The following RALYL variants were observed in gnomAD, a reference collection of about 807,000 sequenced individuals.
The protein encoded by RALYL is RALY RNA binding protein like, also known as RNA-binding Raly-like protein.
RALYL carries 29 observed loss-of-function variants against 35.1 expected under a neutral mutation model. That is an observed-to-expected ratio of 0.83 (90% CI 0.61 to 1.13). RALYL has a LOEUF of 1.13. RALYL is among the 50% of genes most tolerant of loss of function. The pLI is 0.00. For missense variants in RALYL, 359 were observed against 360.4 expected (o/e 1.00, Z 0.03); for synonymous variants, 120 against 127.6 (o/e 0.94, Z 0.40).
At position 84,899,054 on chromosome 8, in the gene RALYL, G is replaced by A. The variant is rs565893072; in HGVS notation, c.858+11278G>A. ...TGAGTGAGTAGACTGAGGGATGTTG[G>A]GTTACCTGATGATTTTGACACACCG... is the stretch of plus-strand genomic sequence containing the variant. On this transcript the variant is annotated intron_variant, in intron 8 of 8. Transcript: ENST00000521268. Among the ~76,000 whole-genome samples, 5 of 152,228 alleles carry A rather than the reference G, an allele frequency of 3.3e-5. No individual in the cohort carries two copies. The East Asian group carries it at 7.7e-4, about 24-fold the overall frequency.
At chr8:84,658,809 G>A (rs973447208) in intron 2 of RALYL, among the ~76,000 whole-genome samples, 7 of 152,100 alleles carry the variant, frequency 4.6e-5, no homozygotes, top group African/African-American at 1.4e-4. Flanking sequence ...TATTGAAAGA[G>A]GAATTGGGGT....
intron 2 of RALYL, among the ~76,000 whole-genome samples, chr8:84,637,541 A>G (rs1825330955): frequency 6.6e-6 from 1 of 151,878 alleles, no homozygotes; most frequent in African/African-American, 2.4e-5. Context: ...TACCAAAACT[A>G]GTAATGGGGA....
chr8:84,717,898 A>C (rs1172573174), intron 2 of RALYL, among the ~76,000 whole-genome samples: 1 of 152,126 alleles, frequency 6.6e-6, no homozygotes, highest in Non-Finnish European at 1.5e-5. Flanking sequence ...GTACAGTTTC[A>C]TGTAGCTTCA....
intron 3 of RALYL, among the ~76,000 whole-genome samples, chr8:84,804,070 G>A (rs1824019767): frequency 1.3e-5 from 2 of 152,202 alleles, no homozygotes; most frequent in Non-Finnish European, 2.9e-5. Context: ...TAAAAAAAAT[G>A]GAAAGTTAAT....
chr8:84,310,940 G>A lies in RALYL; in HGVS notation c.-24+126516G>A, dbSNP rs914553388. ...CGGGCGCCTGTAGTCCCAGCTACTC[G>A]GGAGGCTGAGGCAGGAGAATGGCGT... is the stretch of plus-strand genomic sequence containing the variant. On this transcript the variant is annotated intron_variant, in intron 1 of 8. Transcript: ENST00000521268. Among the ~76,000 whole-genome samples the A allele has an allele frequency of 4.5e-4, 64 of 143,486 alleles. 3 individuals carry two copies. The highest frequency in any genetic ancestry group is 1.6e-3 in the African/African-American group (60 of 37,954). 94.1% of individuals were successfully genotyped at this position (143,486 alleles called of 152,430 possible).
chr8:84,738,013 AGGTGTTGGTGTGT>A (rs1182272847), intron 2 of RALYL, among the ~76,000 whole-genome samples: 1 of 152,046 alleles, frequency 6.6e-6, no homozygotes, highest in East Asian at 1.9e-4. Flanking sequence ...ACATTGTACT[AGGTGTTGGTGTGT>A]GATCGAATTA....
intron 1 of RALYL, among the ~76,000 whole-genome samples, chr8:84,341,208 G>C (rs552823317): frequency 7.0e-6 from 1 of 141,914 alleles, no homozygotes; most frequent in African/African-American, 2.6e-5. Context: ...TATAATTTTG[G>C]CTATTAACTA....
intron 2 of RALYL, among the ~76,000 whole-genome samples, chr8:84,732,668 T>TTATATATATATATGTGTATGTA (rs1554553643): frequency 7.5e-6 from 1 of 132,486 alleles, no homozygotes; most frequent in African/African-American, 3.2e-5. Flanking sequence ...TATTAAATAA[T>TTATATATATATATGTGTATGTA]TATATATATA....
intron 4 of RALYL, among the ~76,000 whole-genome samples, chr8:84,822,662 TAG>T (rs1245860057): frequency 6.6e-6 from 1 of 152,148 alleles, no homozygotes; most frequent in Non-Finnish European, 1.5e-5. Flanking sequence ...GTAAAATATT[TAG>T]ACATTTATTT....
intron 2 of RALYL, among the ~76,000 whole-genome samples, chr8:84,552,803 T>C (rs538990869): frequency 1.3e-5 from 2 of 152,118 alleles, no homozygotes; most frequent in East Asian, 3.9e-4. Context: ...TTCACCAGCC[T>C]CAAATTTAAA....
At chr8:84,716,057 G>T (rs28405987) in intron 2 of RALYL, among the ~76,000 whole-genome samples, 43,033 of 151,878 alleles carry the variant, frequency 0.28, 6,669 homozygotes, top group African/African-American at 0.39. Context: ...TTTCATATTA[G>T]ACGATTCTTT....
chr8:84,412,606 T>C (rs1175976131), intron 1 of RALYL, among the ~76,000 whole-genome samples: 1 of 151,954 alleles, frequency 6.6e-6, no homozygotes, highest in African/African-American at 2.4e-5. Flanking sequence ...CTTTAATAGC[T>C]TCCTAATTAT....
In RALYL at chr8:84,857,742, T is replaced by A. The variant is rs1430694348; in HGVS notation, c.414-4554T>A. Among the ~76,000 whole-genome samples the A allele has an allele frequency of 2.6e-5, 4 of 152,202 alleles. No homozygotes were observed. The East Asian group carries it at 5.8e-4, about 22-fold the overall frequency. ...GAGAATGAGCTAGAATACATGACTG[T>A]ACATATATTATGTTTTCAATTATGT... On this transcript the variant is annotated intron_variant, in intron 5 of 8. Coordinates refer to ENST00000521268, the MANE Select transcript of RALYL (RefSeq NM_173848.7).
intron 1 of RALYL, among the ~76,000 whole-genome samples, chr8:84,410,843 G>C (rs2044026489): frequency 6.6e-6 from 1 of 151,596 alleles, no homozygotes; most frequent in Admixed American, 6.6e-5. Flanking sequence ...ATACTATTAA[G>C]AGTGAATAAG....
intron 1 of RALYL, among the ~76,000 whole-genome samples, chr8:84,416,327 G>A (rs1421182003): frequency 6.6e-6 from 1 of 152,144 alleles, no homozygotes; most frequent in African/African-American, 2.4e-5. Flanking sequence ...AATTTACTGT[G>A]GTGAGTGCAA....
chr8:84,851,542 CA>C (rs922475932), intron 5 of RALYL, among the ~76,000 whole-genome samples: 4 of 151,234 alleles, frequency 2.6e-5, no homozygotes, highest in Non-Finnish European at 4.4e-5. Flanking sequence ...ATGCAAACAA[CA>C]AAAAAAACCT....
At chr8:84,440,425 G>A (rs783509) in intron 1 of RALYL, among the ~76,000 whole-genome samples, 64,768 of 151,720 alleles carry the variant, frequency 0.43, 13,939 homozygotes, top group South Asian at 0.54. Context: ...GAAAAAAATC[G>A]TTTGTACTTT....
intron 1 of RALYL, among the ~76,000 whole-genome samples, chr8:84,261,624 T>A (rs901967022): frequency 7.2e-5 from 11 of 152,182 alleles, no homozygotes; most frequent in Admixed American, 1.3e-4. Context: ...GATATAAATA[T>A]TTAACAAATG....
At chr8:84,713,088 T>A (rs1842439166) in intron 2 of RALYL, among the ~76,000 whole-genome samples, 1 of 152,126 alleles carries the variant, frequency 6.6e-6, no homozygotes, top group African/African-American at 2.4e-5. Flanking sequence ...AGTTTCATAC[T>A]TGTAGGTCTC....
Sources: gnomAD v4.1 joint callset for allele counts (sites outside exome capture counted in the v4.1 genomes callset) on GRCh38, gnomAD v4.1.1 for gene constraint, MANE v1.5 for transcripts, NCBI Gene and HGNC (gene_info 2026-07-23, HGNC 2026-07-21) for gene names.